ZNF207: variants seen among roughly 807,000 people sequenced by gnomAD.
ZNF207 encodes the protein BUB3-interacting and GLEBS motif-containing protein ZNF207.
ZNF207 carries 24 observed loss-of-function variants against 60.2 expected under a neutral mutation model. The observed-to-expected ratio is 0.40, with a 90% confidence interval of 0.29 to 0.56. The LOEUF (loss-of-function observed/expected upper bound fraction) is 0.56. Ranked by LOEUF, ZNF207 falls within the 20% of genes least tolerant of loss-of-function variation. The pLI is 0.49. For missense variants in ZNF207, 452 were observed against 636.6 expected (o/e 0.71, Z 3.12); for synonymous variants, 236 against 194.7 (o/e 1.21, Z -1.77).
chr17:32,357,245 T>G (rs1236925786), intron 2 of ZNF207, among the ~76,000 whole-genome samples: 1 of 150,786 alleles, frequency 6.6e-6, no homozygotes, highest in African/African-American at 2.4e-5. Context: ...TGATTGCAAA[T>G]GTAACTTTTC....
Position 32,365,440 on chromosome 17 carries a change from GC to G in ZNF207, c.785del (p.Pro262HisfsTer62). ...ACCTGCACCAACAGCAACTGTACCT[GC>G]CCCACAGCCTCCAGTTACTAAGCCT... ...RPPAPTATVP[A>X]PQPPVTKPLF... On this transcript the variant is annotated frameshift_variant, in exon 8 of 12. Coordinates refer to ENST00000394670, the MANE Select transcript of ZNF207 (RefSeq NM_001098507.2). LOFTEE classifies it high-confidence loss of function. 2 of 1,614,078 alleles carry G rather than the reference GC, an allele frequency of 1.2e-6. No individual in the cohort carries two copies. The highest frequency in any genetic ancestry group is 1.7e-6 in the Non-Finnish European group (2 of 1,180,008).
At chr17:32,355,640 CCT>C (rs1904464221) in intron 2 of ZNF207, among the ~76,000 whole-genome samples, 1 of 152,118 alleles carries the variant, frequency 6.6e-6, no homozygotes. Flanking sequence ...TACCAGATGT[CCT>C]TTGTAAGGAC....
At position 32,353,948 on chromosome 17, in the gene ZNF207, A is replaced by G. The variant is rs1038392177; in HGVS notation, c.168+2036A>G. On this transcript the variant is annotated intron_variant, in intron 2 of 11. Coordinates refer to ENST00000394670, the MANE Select transcript of ZNF207 (RefSeq NM_001098507.2). ...TATCTAAATGCTCAGTTTCTCTGTC[A>G]AGTAGCTAACTTATATTGGGTAGTG... Among the ~76,000 whole-genome samples the G allele has an allele frequency of 2.0e-5, 3 of 152,146 alleles. No individual in the cohort carries two copies. In the South Asian group the frequency reaches 6.2e-4, roughly 32 times the overall value.
In ZNF207 at chr17:32,362,301, G is replaced by A. The variant is rs548169185; in HGVS notation, c.600-613G>A. Among the ~76,000 whole-genome samples, 35 of 152,158 alleles carry A rather than the reference G, an allele frequency of 2.3e-4. No individual in the cohort carries two copies. The Middle Eastern group carries it at 0.01, about 44-fold the overall frequency. ...CCTCTGAGTATCTGGGACTACAGGC[G>A]CACACTACTGCACCCAGCTAATGTT... On this transcript the variant is annotated intron_variant, in intron 6 of 11. Transcript: ENST00000394670.
chr17:32,379,717 A>G lies in ZNF207; in HGVS notation c.*9958A>G, dbSNP rs1365286964. The G allele has an allele frequency of 1.3e-5, 2 of 152,194 alleles. No homozygotes were observed. The highest frequency in any genetic ancestry group is 2.9e-5 in the Non-Finnish European group (2 of 68,016). The allele number at this position is 152,194 out of a possible 1,614,324, so 9.4% of individuals were successfully genotyped here. On this transcript the variant is annotated 3_prime_UTR_variant, in exon 12 of 12. Transcript: ENST00000394670. ...CTTACAGGGTTTCTTTGAGAGGCTT[A>G]AAAATTTCAAAAGTATTATTTAAGC...
rs1247145105 is a variant in ZNF207 at position 32,371,224 on chromosome 17, A to G, written c.*1465A>G. Reference sequence around the variant, plus strand: ...AATGAACTCAAGTTGAGTTTTTCTCATTATAAAGTTAAGACTTCTAAGAAA... The same window carrying G: ...AATGAACTCAAGTTGAGTTTTTCTCGTTATAAAGTTAAGACTTCTAAGAAA... On this transcript the variant is annotated 3_prime_UTR_variant, in exon 12 of 12. Transcript: ENST00000394670. The G allele has an allele frequency of 6.6e-6, 1 of 152,230 alleles. No individual in the cohort carries two copies. The highest frequency in any genetic ancestry group is 1.9e-4 in the East Asian group (1 of 5,208). 9.4% of individuals were successfully genotyped at this position (152,230 alleles called of 1,614,324 possible). A position where few individuals can be genotyped will look rare whatever the true frequency, so the allele number is the denominator to read the frequency against.
rs538752836 is a variant in ZNF207 at position 32,360,180 on chromosome 17, C to G, written c.308-418C>G. Among the ~76,000 whole-genome samples, 25 of 107,680 alleles carry G rather than the reference C, an allele frequency of 2.3e-4. No individual in the cohort carries two copies. In the East Asian group the frequency reaches 3.4e-3, roughly 15 times the overall value. 70.6% of individuals were successfully genotyped at this position (107,680 alleles called of 152,430 possible). On this transcript the variant is annotated intron_variant, in intron 3 of 11. Transcript: ENST00000394670. ...AAAGTTCAAGACCTCACCTTTACCCCCCCCCCAAAAAAAAAAAAAAAAAGC... is the reference window on the plus strand; with the variant it reads ...AAAGTTCAAGACCTCACCTTTACCCGCCCCCCAAAAAAAAAAAAAAAAAGC...
intron 4 of ZNF207, 60 bp from the exon 5 acceptor site, chr17:32,360,832 C>G: frequency 6.2e-7 from 1 of 1,611,994 alleles, no homozygotes; most frequent in Admixed American, 1.7e-5. Context: ...CGAAGTATTA[C>G]TTTCTTCCCT....
At chr17:32,363,529 C>CTTTTTTT (rs746944466) in intron 7 of ZNF207, among the ~76,000 whole-genome samples, 966 of 69,600 alleles carry the variant, frequency 0.014, 241 homozygotes, top group Middle Eastern at 0.041. Flanking sequence ...ATCCAACAAA[C>CTTTTTTT]TTTTTTTTTT....
intron 2 of ZNF207, among the ~76,000 whole-genome samples, chr17:32,353,575 G>C (rs1162454180): frequency 6.6e-6 from 1 of 150,828 alleles, no homozygotes; most frequent in African/African-American, 2.4e-5. Flanking sequence ...TGAGGTCAGG[G>C]TTTCAAGACC....
In ZNF207 at chr17:32,368,028, A is replaced by G. The variant is rs1442402068; in HGVS notation, c.1164+14A>G. ...GATATATCCCTGGTAAGTTGCTTTTAGTTTTCTACGAGCAGCATTTGATTT... is the reference window on the plus strand; with the variant it reads ...GATATATCCCTGGTAAGTTGCTTTTGGTTTTCTACGAGCAGCATTTGATTT... On this transcript the variant is annotated intron_variant, in intron 10 of 11. Coordinates refer to ENST00000394670, the MANE Select transcript of ZNF207 (RefSeq NM_001098507.2). The G allele has an allele frequency of 6.2e-7, 1 of 1,612,818 alleles. No homozygotes were observed. The highest frequency in any genetic ancestry group is 1.7e-5 in the Admixed American group (1 of 59,962).
At position 32,378,528 on chromosome 17, in the gene ZNF207, A is replaced by T. The variant is rs1260522705; in HGVS notation, c.*8769A>T. 1 of 152,008 alleles carries T rather than the reference A, an allele frequency of 6.6e-6. No homozygotes were observed. The highest frequency in any genetic ancestry group is 1.5e-5 in the Non-Finnish European group (1 of 67,914). 9.4% of individuals were successfully genotyped at this position (152,008 alleles called of 1,614,324 possible). A position where few individuals can be genotyped will look rare whatever the true frequency, so the allele number is the denominator to read the frequency against. On this transcript the variant is annotated 3_prime_UTR_variant, in exon 12 of 12. Transcript: ENST00000394670. ...GTTCTTTTTTTGTAAACTATAACGT[A>T]TCCCGTTGGTGTACCAGTGAGTTCA...
chr17:32,353,377 A>G (rs1383704708), intron 2 of ZNF207, among the ~76,000 whole-genome samples: 1 of 152,154 alleles, frequency 6.6e-6, no homozygotes, highest in Non-Finnish European at 1.5e-5. Context: ...ATACCAAATC[A>G]TTGGAAACTA....
chr17:32,352,025 T>C (rs1186994173), intron 2 of ZNF207, 113 bp downstream of exon 2: 1 of 1,065,434 alleles, frequency 9.4e-7, no homozygotes, highest in Non-Finnish European at 1.3e-6. Flanking sequence ...TGGAGTGCAG[T>C]GGTGCAATCT....
chr17:32,362,821 T>C, intron 6 of ZNF207, 93 bp from the exon 7 acceptor site: 1 of 979,696 alleles, frequency 1.0e-6, no homozygotes, highest in South Asian at 1.6e-5. Context: ...TCAAGTCTTC[T>C]ATCTAGTGTT....
At chr17:32,357,192 A>T (rs1044500900) in intron 2 of ZNF207, among the ~76,000 whole-genome samples, 1 of 151,524 alleles carries the variant, frequency 6.6e-6, no homozygotes, top group Non-Finnish European at 1.5e-5. Flanking sequence ...AAAAAAAAAA[A>T]AAAGTAAAAT....
In ZNF207 at chr17:32,366,690, G is replaced by T; in HGVS notation, c.854G>T (p.Ser285Ile). The change falls in exon 9 of 12, where the codon AGT becomes ATT. Residue 285 changes from serine to isoleucine, a missense_variant. By Grantham distance (142) the Ser-to-Ile change is moderately radical. Coordinates refer to ENST00000394670, the MANE Select transcript of ZNF207 (RefSeq NM_001098507.2). ...ATGGGGACACCTGTCACAAGCTCAAGTACAGCTTCATCCAATTCAGAAAGT... is the reference window on the plus strand; with the variant it reads ...ATGGGGACACCTGTCACAAGCTCAATTACAGCTTCATCCAATTCAGAAAGT... ...GQMGTPVTSS[S>I]TASSNSESLS... is the part of the protein sequence containing the mutation. 2 of 1,610,922 alleles carry T rather than the reference G, an allele frequency of 1.2e-6. No individual in the cohort carries two copies. Among genetic ancestry groups the T allele is most frequent in the Non-Finnish European group, 1.7e-6 (2 of 1,178,948 alleles).
chr17:32,357,156 T>C (rs1054278663), intron 2 of ZNF207, among the ~76,000 whole-genome samples: 1 of 150,044 alleles, frequency 6.7e-6, no homozygotes. Context: ...TACTCCTGCT[T>C]GGGTGGCAGA....
Position 32,358,691 on chromosome 17 carries a change from T to C in ZNF207, c.307+50T>C, listed in dbSNP as rs772530814. Reference sequence around the variant, plus strand: ...TTATTTATTTATTTTTTTTAATTTTTTTTTTTTTGAGACAGAGGCTTACTC... The same window carrying C: ...TTATTTATTTATTTTTTTTAATTTTCTTTTTTTTGAGACAGAGGCTTACTC... On this transcript the variant is annotated intron_variant, in intron 3 of 11. Transcript: ENST00000394670. 2.3e-6 allele frequency: 3 copies of C among 1,311,940 alleles called. No homozygotes were observed. The African/African-American group carries it at 4.6e-5, about 20-fold the overall frequency. 81.3% of individuals were successfully genotyped at this position (1,311,940 alleles called of 1,614,324 possible). A position where few individuals can be genotyped will look rare whatever the true frequency, so the allele number is the denominator to read the frequency against.
Sources: gnomAD v4.1 joint callset for allele counts (sites outside exome capture counted in the v4.1 genomes callset) on GRCh38, gnomAD v4.1.1 for gene constraint, MANE v1.5 for transcripts, NCBI Gene and HGNC (gene_info 2026-07-23, HGNC 2026-07-21) for gene names.